PDGFD: variants seen among roughly 807,000 people sequenced by gnomAD.
The protein encoded by PDGFD is platelet derived growth factor D.
In PDGFD, 30 loss-of-function variants were observed where a neutral mutation model predicts 44.7. The ratio of observed to expected loss-of-function variants is 0.67; its 90% confidence interval spans 0.50 to 0.91. The LOEUF is 0.91. Among genes scored for constraint, PDGFD ranks in the 40% least tolerant of loss-of-function variants. The pLI, the probability that PDGFD is intolerant of heterozygous loss-of-function variation, is 0.00. For missense variants in PDGFD, 445 were observed against 457.8 expected, an observed-to-expected ratio of 0.97 and a Z score of 0.25; for synonymous variants, 173 against 168.4, an observed-to-expected ratio of 1.03 and a Z score of -0.21.
chr11:104,108,358 G>GA (rs5794294), intron 1 of PDGFD, among the ~76,000 whole-genome samples: 2 of 149,730 alleles, frequency 1.3e-5, no homozygotes, highest in South Asian at 2.1e-4. Context: ...AAATTTATAA[G>GA]AAAAAAAAAA....
Position 104,133,162 on chromosome 11 carries a change from T to C in PDGFD, c.124+30642A>G, listed in dbSNP as rs893913108. On this transcript the variant is annotated intron_variant, in intron 1 of 6. Coordinates refer to ENST00000393158, the MANE Select transcript of PDGFD (RefSeq NM_025208.5). ...TATGGTAAGTAGCACAGTACTTTGG[T>C]ACTCAAATATTTGTTAAACAAGTGG... 4.6e-5 allele frequency among the ~76,000 whole-genome samples: 7 copies of C among 152,118 alleles called. No homozygotes were observed. The South Asian group carries it at 6.2e-4, about 13-fold the overall frequency.
intron 3 of PDGFD, among the ~76,000 whole-genome samples, chr11:103,954,442 C>G (rs1012678649): frequency 6.6e-6 from 1 of 152,150 alleles, no homozygotes; most frequent in African/African-American, 2.4e-5. Flanking sequence ...CTGGATCTCA[C>G]GGAGGGTGGC....
chr11:103,968,176 GA>G (rs1011956463), intron 3 of PDGFD, among the ~76,000 whole-genome samples: 1 of 151,986 alleles, frequency 6.6e-6, no homozygotes, highest in African/African-American at 2.4e-5. Flanking sequence ...GTCTTCTCTT[GA>G]GTGCCTTCTT....
rs372046084 is a variant in PDGFD, at chr11:104,033,314, T to C, written c.125-33059A>G. On this transcript the variant is annotated intron_variant, in intron 1 of 6. Coordinates refer to ENST00000393158, the MANE Select transcript of PDGFD (RefSeq NM_025208.5). ...GCAACAGATATAAGGGGTGGATGGGTGGCTGGACTATGGAATCCAAGGGAT... is the reference window on the plus strand; with the variant it reads ...GCAACAGATATAAGGGGTGGATGGGCGGCTGGACTATGGAATCCAAGGGAT... 1.5e-4 allele frequency among the ~76,000 whole-genome samples: 23 copies of C among 152,238 alleles called. No homozygotes were observed. In the South Asian group the frequency reaches 3.3e-3, roughly 22 times the overall value.
chr11:104,067,581 G>A (rs1366975880), intron 1 of PDGFD, among the ~76,000 whole-genome samples: 6 of 152,066 alleles, frequency 3.9e-5, no homozygotes, highest in East Asian at 1.9e-4. Context: ...TCTTCCATTA[G>A]TAAGATAACA....
At chr11:104,128,610 A>G (rs985677035) in intron 1 of PDGFD, among the ~76,000 whole-genome samples, 6 of 152,204 alleles carry the variant, frequency 3.9e-5, no homozygotes, top group Non-Finnish European at 8.8e-5. Flanking sequence ...GCTATAAAAA[A>G]TACTGATTCA....
At chr11:104,069,326 T>G (rs964658214) in intron 1 of PDGFD, among the ~76,000 whole-genome samples, 7 of 152,230 alleles carry the variant, frequency 4.6e-5, no homozygotes, top group Admixed American at 3.3e-4. Context: ...TTTTAACACA[T>G]TATTTTCAGC....
chr11:104,115,681 G>A (rs532525042), intron 1 of PDGFD, among the ~76,000 whole-genome samples: 14 of 150,016 alleles, frequency 9.3e-5, no homozygotes, highest in East Asian at 4.0e-4. Context: ...CCTGTCCACC[G>A]CATCCACACC....
At chr11:103,962,851 A>T (rs1433060622) in intron 3 of PDGFD, among the ~76,000 whole-genome samples, 1 of 152,134 alleles carries the variant, frequency 6.6e-6, no homozygotes, top group African/African-American at 2.4e-5. Flanking sequence ...CATTCATTAC[A>T]TTCTTTCCAA....
intron 1 of PDGFD, among the ~76,000 whole-genome samples, chr11:104,150,232 GCCCTTATCAT>G (rs1862222604): frequency 6.6e-6 from 1 of 152,118 alleles, no homozygotes; most frequent in Non-Finnish European, 1.5e-5. Flanking sequence ...ATAGGACACT[GCCCTTATCAT>G]CCTCAATTTA....
intron 1 of PDGFD, among the ~76,000 whole-genome samples, chr11:104,060,596 A>G (rs1285942531): frequency 6.6e-6 from 1 of 152,142 alleles, no homozygotes; most frequent in Non-Finnish European, 1.5e-5. Flanking sequence ...CTGGCTCATT[A>G]GGAGACATTC....
At chr11:104,055,265 TGA>T (rs1860601946) in intron 1 of PDGFD, among the ~76,000 whole-genome samples, 1 of 152,240 alleles carries the variant, frequency 6.6e-6, no homozygotes. Flanking sequence ...CACACGGATG[TGA>T]GTTTGAATCT....
intron 3 of PDGFD, among the ~76,000 whole-genome samples, chr11:103,979,662 T>C (rs994079693): frequency 1.3e-5 from 2 of 152,066 alleles, no homozygotes; most frequent in East Asian, 1.9e-4. Context: ...AGGAAATAAC[T>C]TTTGGGCATT....
chr11:104,064,595 T>C (rs572459913), intron 1 of PDGFD, among the ~76,000 whole-genome samples: 20 of 152,082 alleles, frequency 1.3e-4, no homozygotes, highest in African/African-American at 4.8e-4. Flanking sequence ...ATTGTGTTTA[T>C]AAAGTAAAAC....
At chr11:104,049,522 T>C (rs1282140407) in intron 1 of PDGFD, among the ~76,000 whole-genome samples, 1 of 152,094 alleles carries the variant, frequency 6.6e-6, no homozygotes, top group Non-Finnish European at 1.5e-5. Flanking sequence ...GGAAAGACAT[T>C]TGATTTTTTT....
chr11:103,950,964 A>G (rs1190925353), intron 3 of PDGFD, among the ~76,000 whole-genome samples: 1 of 152,174 alleles, frequency 6.6e-6, no homozygotes, highest in Admixed American at 6.5e-5. Flanking sequence ...GATTTTTTTA[A>G]GCAGAAAGGG....
intron 1 of PDGFD, among the ~76,000 whole-genome samples, chr11:104,046,435 T>C (rs1314084648): frequency 6.8e-6 from 1 of 147,572 alleles, no homozygotes; most frequent in Non-Finnish European, 1.5e-5. Flanking sequence ...ACAGAAACAA[T>C]GATATTCTCT....
chr11:104,158,215 T>G (rs138357519), intron 1 of PDGFD, among the ~76,000 whole-genome samples: 1 of 152,222 alleles, frequency 6.6e-6, no homozygotes, highest in African/African-American at 2.4e-5. Flanking sequence ...AAAACTCTTA[T>G]GATGAACACA....
chr11:103,939,882 C>T (rs77610268), intron 5 of PDGFD, among the ~76,000 whole-genome samples: 10 of 152,138 alleles, frequency 6.6e-5, no homozygotes, highest in Middle Eastern at 6.8e-3. Flanking sequence ...ATACGCTACC[C>T]TTTTCTCCAT....
Sources: allele counts gnomAD v4.1 joint callset (sites outside exome capture counted in the v4.1 genomes callset), GRCh38; gene constraint gnomAD v4.1.1; transcripts MANE v1.5; gene names NCBI Gene and HGNC (gene_info 2026-07-23, HGNC 2026-07-21).